The following ABL1 variants were observed in gnomAD, a reference collection of about 807,000 sequenced individuals.
The protein encoded by ABL1 is ABL proto-oncogene 1, non-receptor tyrosine kinase.
Under a neutral mutation model 94.7 loss-of-function variants are expected in ABL1, and 11 were observed. The observed-to-expected ratio is 0.12, with a 90% CI of 0.07 to 0.19. The LOEUF (loss-of-function observed/expected upper bound fraction) is 0.19, where lower values mean the gene tolerates loss of function less well. ABL1 is among the 10% of genes least tolerant of loss of function. The pLI, the probability that ABL1 is intolerant of heterozygous loss-of-function variation, is 1.00. For synonymous variants in ABL1, 656 were observed against 622.4 expected (o/e 1.05, Z -0.80); for missense variants, 1,082 against 1,489.4 (o/e 0.73, Z 4.50).
At chr9:130,816,740 C>T (rs552014788) in intron 1 of ABL1, among the ~76,000 whole-genome samples, 3 of 152,236 alleles carry the variant, frequency 2.0e-5, no homozygotes, top group South Asian at 2.1e-4. Flanking sequence ...CTTGCTCTAT[C>T]GCCCAGGCTG....
chr9:130,804,078 C>T (rs1281216568), intron 1 of ABL1, among the ~76,000 whole-genome samples: 2 of 151,864 alleles, frequency 1.3e-5, no homozygotes, highest in Non-Finnish European at 2.9e-5. Flanking sequence ...AAAAAATGAC[C>T]GGACACAGTT....
At chr9:130,758,942 C>T (rs925679030) in intron 1 of ABL1, among the ~76,000 whole-genome samples, 2 of 152,174 alleles carry the variant, frequency 1.3e-5, no homozygotes, top group African/African-American at 4.8e-5. Context: ...AGCAGACCAC[C>T]AAGCTGTGAC....
At chr9:130,882,645 C>T (rs1831478679) in intron 10 of ABL1, among the ~76,000 whole-genome samples, 1 of 152,086 alleles carries the variant, frequency 6.6e-6, no homozygotes, top group South Asian at 2.1e-4. Flanking sequence ...AGCGATTCTC[C>T]TGCCTCATCC....
intron 4 of ABL1, among the ~76,000 whole-genome samples, chr9:130,866,152 T>A (rs542645945): frequency 6.6e-6 from 1 of 152,278 alleles, no homozygotes; most frequent in South Asian, 2.1e-4. Flanking sequence ...TGTATCAACA[T>A]TTTAATGCTG....
rs561261374 is a variant in ABL1, at chr9:130,761,664, C to G, written c.136+47209C>G. 4.6e-5 allele frequency among the ~76,000 whole-genome samples: 7 copies of G among 152,342 alleles called. No individual in the cohort carries two copies. In the South Asian group the frequency reaches 1.2e-3, roughly 27 times the overall value. On this transcript the variant is annotated intron_variant, in intron 1 of 10. Transcript: ENST00000372348. The stretch of plus-strand genomic sequence containing the variant: ...AGTGCTATGGTGTGATCAGAACACC[C>G]ACATTAATAAGAACATTACTTCTCT...
At chr9:130,873,090 G>A in intron 6 of ABL1, 53 bp downstream of exon 6, 9 of 1,564,054 alleles carry the variant, frequency 5.8e-6, no homozygotes, top group Non-Finnish European at 7.8e-6. Context: ...CGTGGAGCCG[G>A]GCAGCCTTTT....
At chr9:130,809,761 A>G (rs768946671) in intron 1 of ABL1, among the ~76,000 whole-genome samples, 3 of 152,226 alleles carry the variant, frequency 2.0e-5, no homozygotes, top group Non-Finnish European at 4.4e-5. Context: ...TAGGGAGGCC[A>G]AGCTGCTTTA....
chr9:130,805,689 A>T (rs1830116334), intron 1 of ABL1, among the ~76,000 whole-genome samples: 1 of 152,194 alleles, frequency 6.6e-6, no homozygotes, highest in Non-Finnish European at 1.5e-5. Context: ...ACTCATTTTG[A>T]CATGCCAACT....
Position 130,767,767 on chromosome 9 carries a change from ACT to A in ABL1, c.136+53314_136+53315del, listed in dbSNP as rs568558613. Among the ~76,000 whole-genome samples, 248 of 152,340 alleles carry A rather than the reference ACT, an allele frequency of 1.6e-3. 1 individual carries two copies. Among genetic ancestry groups the A allele is most frequent in the African/African-American group, 5.6e-3 (234 of 41,582 alleles). ...AGTGCACGTGTGCATGTGTGTGCAC[ACT>A]CACACACACGTACACACACATTCAC... is the stretch of plus-strand genomic sequence containing the variant. On this transcript the variant is annotated intron_variant, in intron 1 of 10. Coordinates refer to the ABL1 transcript ENST00000372348.
Position 130,872,349 on chromosome 9 carries a change from C to T in ABL1, c.907+136C>T, listed in dbSNP as rs1018473913. The stretch of plus-strand genomic sequence containing the variant: ...TTTGTGCTCTGCCGACGTTCAGCCG[C>T]GGGTAAAATGAGGCCTGTATGGGAT... On this transcript the variant is annotated intron_variant, in intron 5 of 10. Transcript: ENST00000318560. The surrounding 1 kb of genome is among the most constrained non-coding windows in gnomAD (Gnocchi z 5.0). 3.1e-5 allele frequency: 23 copies of T among 748,914 alleles called. No homozygotes were observed. The highest frequency in any genetic ancestry group is 1.8e-4 in the Admixed American group (7 of 39,114). 46.4% of individuals were successfully genotyped at this position (748,914 alleles called of 1,614,324 possible).
Position 130,835,424 on chromosome 9 carries a change from C to T in ABL1, c.-23C>T, listed in dbSNP as rs1414285127. 6 of 1,358,552 alleles carry T rather than the reference C, an allele frequency of 4.4e-6. No individual in the cohort carries two copies. Among genetic ancestry groups the T allele is most frequent in the Non-Finnish European group, 5.7e-6 (6 of 1,051,430 alleles). The allele number at this position is 1,358,552 out of a possible 1,614,324, so 84.2% of individuals were successfully genotyped here. ...ACCGAGCTGGGAGAGGGGTTCCGGC[C>T]CCCGACGTGCTGGCGCGGGAAAATG... On this transcript the variant is annotated 5_prime_UTR_variant, in exon 1 of 11. Coordinates refer to ENST00000318560, the MANE Select transcript of ABL1 (RefSeq NM_005157.6). This position sits in a 1 kb window ranked among gnomAD's most constrained non-coding sequence, Gnocchi z 4.6.
chr9:130,838,601 C>T (rs1830623509), intron 1 of ABL1, among the ~76,000 whole-genome samples: 1 of 152,064 alleles, frequency 6.6e-6, no homozygotes, highest in African/African-American at 2.4e-5. Flanking sequence ...GAATTTTGCT[C>T]TCCAGCTTTT....
rs140399084 is a variant in ABL1 at position 130,728,189 on chromosome 9, G to T, written c.136+13734G>T. On this transcript the variant is annotated intron_variant, in intron 1 of 10. Transcript: ENST00000372348. ...AGCTGTTCTCCCACCTCAGCCTCCTGAGTAGCTGGGACTATGGGCATGCGC... is the reference window on the plus strand; with the variant it reads ...AGCTGTTCTCCCACCTCAGCCTCCTTAGTAGCTGGGACTATGGGCATGCGC... Among the ~76,000 whole-genome samples, 408 of 146,900 alleles carry T rather than the reference G, an allele frequency of 2.8e-3. 1 individual carries two copies. The highest frequency in any genetic ancestry group is 4.1e-3 in the Non-Finnish European group (275 of 67,602).
chr9:130,805,430 C>G (rs1208189710), intron 1 of ABL1, among the ~76,000 whole-genome samples: 3 of 152,226 alleles, frequency 2.0e-5, no homozygotes, highest in African/African-American at 7.2e-5. Context: ...CTTCTACAAT[C>G]ACAGGCCTAG....
intron 1 of ABL1, among the ~76,000 whole-genome samples, chr9:130,728,089 A>G (rs1350060488): frequency 6.6e-6 from 1 of 151,972 alleles, no homozygotes; most frequent in East Asian, 1.9e-4. Context: ...TTTTGGAGAC[A>G]AGATCTCACT....
chr9:130,883,027 C>T (rs963286711), intron 10 of ABL1, among the ~76,000 whole-genome samples: 3 of 152,106 alleles, frequency 2.0e-5, no homozygotes, highest in Admixed American at 6.5e-5. Flanking sequence ...AGCACCCAAG[C>T]GTCTGGGCTC....
upstream of ABL1, among the ~76,000 whole-genome samples, chr9:130,834,710 C>A (rs1830536576): frequency 6.6e-6 from 1 of 152,206 alleles, no homozygotes; most frequent in East Asian, 1.9e-4. Context: ...TCTGGATGTG[C>A]GGCCTCACCG....
chr9:130,807,008 G>T (rs1830134476), intron 1 of ABL1, among the ~76,000 whole-genome samples: 1 of 152,016 alleles, frequency 6.6e-6, no homozygotes, highest in African/African-American at 2.4e-5. Context: ...AACTTAGCTG[G>T]GCGTAGTGGC....
At chr9:130,730,964 A>G (rs1346120560) in intron 1 of ABL1, among the ~76,000 whole-genome samples, 1 of 144,986 alleles carries the variant, frequency 6.9e-6, no homozygotes, top group African/African-American at 2.6e-5. Flanking sequence ...TTATTTACAT[A>G]ATTATAGCCA....
Sources: gnomAD v4.1 joint callset for allele counts (sites outside exome capture counted in the v4.1 genomes callset) on GRCh38, gnomAD v4.1.1 for gene constraint, Gnocchi (gnomAD v3.1) non-coding constraint, MANE v1.5 for transcripts, NCBI Gene and HGNC (gene_info 2026-07-23, HGNC 2026-07-21) for gene names.